The following STAC2 variants were observed in gnomAD, a reference collection of about 807,000 sequenced individuals.
STAC2 encodes the protein SH3 and cysteine rich domain 2.
A neutral mutation model predicts 49.0 loss-of-function variants in STAC2; 36 were observed. The observed-to-expected ratio is 0.74, with a 90% CI of 0.56 to 0.97. STAC2 has a LOEUF of 0.97. STAC2 is among the 50% of genes least tolerant of loss of function. The pLI is 0.00. For synonymous variants in STAC2, 239 were observed against 214.7 expected (o/e 1.11, Z -0.99); for missense variants, 527 against 543.8 (o/e 0.97, Z 0.31).
intron 1 of STAC2, among the ~76,000 whole-genome samples, chr17:39,223,604 G>A (rs2046482793): frequency 1.3e-5 from 2 of 152,160 alleles, no homozygotes; most frequent in South Asian, 4.1e-4. Context: ...CCACACAGCT[G>A]AGCAGGCAGC....
chr17:39,217,153 G>T lies in STAC2; in HGVS notation c.418C>A (p.Arg140=). The T allele has an allele frequency of 1.9e-6, 3 of 1,613,644 alleles. No homozygotes were observed. Among genetic ancestry groups the T allele is most frequent in the Non-Finnish European group, 1.7e-6 (2 of 1,179,862 alleles). The change falls in exon 3 of 11, where the codon CGA becomes AGA. Residue 140 remains arginine (R), a synonymous_variant. Coordinates refer to ENST00000333461, the MANE Select transcript of STAC2 (RefSeq NM_198993.5). ...ACGCTGACTTTGCACATCTTACATC[G>T]CAAGCCCTGTTTGGAGTTTCCTAGG... is the stretch of plus-strand genomic sequence containing the variant. ...LIVGNSKQGL[R]CKMCKVSVHL...
At chr17:39,216,921 G>C in intron 3 of STAC2, 21 bp from the exon 4 acceptor site, 1 of 1,589,304 alleles carries the variant, frequency 6.3e-7, no homozygotes, top group Non-Finnish European at 8.6e-7. Flanking sequence ...AGAGGGCAGA[G>C]AGGTTTTGAG....
rs767107132 is a variant in STAC2, at chr17:39,214,253, C to A, written c.921G>T (p.Glu307Asp). ...CTTACTGCAGAGCCAGATCATTGTTCTCCTGGGGCAGAAACTTGTAGAGTG... is the reference window on the plus strand; with the variant it reads ...CTTACTGCAGAGCCAGATCATTGTTATCCTGGGGCAGAAACTTGTAGAGTG... ...YVALYKFLPQ[E>D]NNDLALQPGD... Residue 307 changes from glutamate (E) to aspartate (D), a missense_variant, in exon 8 of 11, where the codon GAG becomes GAT. Glu to Asp is a conservative substitution (Grantham distance 45). Transcript: ENST00000333461. The A allele has an allele frequency of 2.5e-6, 4 of 1,613,882 alleles. No homozygotes were observed.
chr17:39,213,334 G>C (rs2046371681), intron 9 of STAC2, among the ~76,000 whole-genome samples, 173 bp downstream of exon 9: 1 of 152,242 alleles, frequency 6.6e-6, no homozygotes, highest in Non-Finnish European at 1.5e-5. Flanking sequence ...GAGGCAAGGA[G>C]AGTCAAAACT....
Position 39,225,019 on chromosome 17 carries a change from A to G in STAC2, c.90+394T>C, listed in dbSNP as rs1163472158. 6.6e-6 allele frequency among the ~76,000 whole-genome samples: 1 copy of G among 152,124 alleles called. No individual in the cohort carries two copies. Among genetic ancestry groups the G allele is most frequent in the Non-Finnish European group, 1.5e-5 (1 of 67,996 alleles). ...AGGTTGTAGAGACAAATTCAGAGAC[A>G]CGAGCGAGGATAGAGGCGCGGACTG... On this transcript the variant is annotated intron_variant, in intron 1 of 10. Coordinates refer to ENST00000333461, the MANE Select transcript of STAC2 (RefSeq NM_198993.5). The surrounding 1 kb of genome is among the most constrained non-coding windows in gnomAD (Gnocchi z 8.2).
chr17:39,217,059 C>T lies in STAC2; in HGVS notation c.495+17G>A. On this transcript the variant is annotated intron_variant, in intron 3 of 10. Transcript: ENST00000333461. ...GGCAGCACTCAGCTGGCCATCTCTG[C>T]CTGGGTCCCCGCTCACCGTCTTGCC... 1 of 1,613,570 alleles carries T rather than the reference C, an allele frequency of 6.2e-7. No individual in the cohort carries two copies. Among genetic ancestry groups the T allele is most frequent in the Non-Finnish European group, 8.5e-7 (1 of 1,179,622 alleles).
chr17:39,216,717 G>A (rs964193550), intron 4 of STAC2, 93 bp downstream of exon 4: 73 of 1,225,736 alleles, frequency 6.0e-5, no homozygotes, highest in Middle Eastern at 2.6e-4. Flanking sequence ...ATTGAGAGAC[G>A]GGGTTTCACT....
At chr17:39,216,301 T>C (rs1597732996) in intron 4 of STAC2, among the ~76,000 whole-genome samples, 1 of 152,192 alleles carries the variant, frequency 6.6e-6, no homozygotes, top group Non-Finnish European at 1.5e-5. Context: ...CATTCTATGC[T>C]CTATTCCTTA....
chr17:39,225,556 G>A lies in STAC2; in HGVS notation c.-54C>T, dbSNP rs377493445. On this transcript the variant is annotated 5_prime_UTR_variant, in exon 1 of 11. Transcript: ENST00000333461. The surrounding 1 kb of genome is among the most constrained non-coding windows in gnomAD (Gnocchi z 8.2). ...CGAGATCCGACGGCAGGCCCACCGC[G>A]GGCAGGCTGCGGGTGGCGGGCGTCT... 48 of 1,558,876 alleles carry A rather than the reference G, an allele frequency of 3.1e-5. No individual in the cohort carries two copies. In the African/African-American group the frequency reaches 5.7e-4, roughly 19 times the overall value.
In STAC2 at chr17:39,211,172, G is replaced by A. The variant is rs1450903565; in HGVS notation, c.*1120C>T. 4 of 152,396 alleles carry A rather than the reference G, an allele frequency of 2.6e-5. No homozygotes were observed. Among genetic ancestry groups the A allele is most frequent in the Admixed American group, 6.5e-5 (1 of 15,284 alleles). The allele number at this position is 152,396 out of a possible 1,614,324, so 9.4% of individuals were successfully genotyped here. A position where few individuals can be genotyped will look rare whatever the true frequency, so the allele number is the denominator to read the frequency against. On this transcript the variant is annotated 3_prime_UTR_variant, in exon 11 of 11. Transcript: ENST00000333461. ...GGCTCCCCTGGCGGGTGGTTCCTGT[G>A]TGACCGGGGGTCCTGACAGTGAAAT...
Position 39,211,939 on chromosome 17 carries a change from A to C in STAC2, c.*353T>G. The C allele has an allele frequency of 4.4e-6, 1 of 227,196 alleles. No homozygotes were observed. Among genetic ancestry groups the C allele is most frequent in the Non-Finnish European group, 8.8e-6 (1 of 113,890 alleles). 14.1% of individuals were successfully genotyped at this position (227,196 alleles called of 1,614,324 possible). ...ATGCGCAGGTGGTGTGGGCAGGGGA[A>C]GGCTGGGAGAAGCAGCAAATAAATT... On this transcript the variant is annotated 3_prime_UTR_variant, in exon 11 of 11. Transcript: ENST00000333461.
chr17:39,215,036 A>G lies in STAC2; in HGVS notation c.700-13T>C. Reference sequence around the variant, plus strand: ...CATCCCGCTCACTCTAGGGACAGAGAGAGGAGAGGGCTCAGCCCCCGAGCC... The same window carrying G: ...CATCCCGCTCACTCTAGGGACAGAGGGAGGAGAGGGCTCAGCCCCCGAGCC... On this transcript the variant is annotated splice_polypyrimidine_tract_variant and intron_variant, in intron 5 of 10. Coordinates refer to ENST00000333461, the MANE Select transcript of STAC2 (RefSeq NM_198993.5). The G allele has an allele frequency of 6.2e-7, 1 of 1,613,966 alleles. No individual in the cohort carries two copies. The highest frequency in any genetic ancestry group is 8.5e-7 in the Non-Finnish European group (1 of 1,179,972).
At chr17:39,220,173 C>A (rs777014489) in intron 1 of STAC2, among the ~76,000 whole-genome samples, 2 of 152,140 alleles carry the variant, frequency 1.3e-5, no homozygotes, top group African/African-American at 2.4e-5. Flanking sequence ...GGCCCCAGGC[C>A]CCAGATGCCT....
intron 1 of STAC2, among the ~76,000 whole-genome samples, chr17:39,218,642 A>T (rs531457070): frequency 6.6e-6 from 1 of 152,214 alleles, no homozygotes; most frequent in East Asian, 1.9e-4. Flanking sequence ...TTTTTTTCAT[A>T]AACAGTAAAT....
chr17:39,216,171 A>G, intron 4 of STAC2, among the ~76,000 whole-genome samples: 1 of 151,886 alleles, frequency 6.6e-6, no homozygotes, highest in East Asian at 1.9e-4. Flanking sequence ...ATTTAGAGAT[A>G]GGGTCTCACC....
At chr17:39,221,981 C>T (rs944867012) in intron 1 of STAC2, among the ~76,000 whole-genome samples, 4 of 152,238 alleles carry the variant, frequency 2.6e-5, no homozygotes, top group Admixed American at 2.6e-4. Flanking sequence ...TCTCTTGGGA[C>T]AGTCATTCCA....
chr17:39,218,021 G>A lies in STAC2; in HGVS notation c.243C>T (p.Pro81=), dbSNP rs747171575. The change falls in exon 2 of 11, where the codon CCC becomes CCT. Residue 81 remains proline (P), a synonymous_variant. Coordinates refer to ENST00000333461, the MANE Select transcript of STAC2 (RefSeq NM_198993.5). ...TAGCCAGGCCCCTGTCCGAGGCTGT[G>A]GGTGGTGGGGAGGGAGGGGGCAGTG... ...PTPLPPPSPP[P]TASDRGLATP... The A allele has an allele frequency of 1.3e-6, 2 of 1,589,416 alleles. No individual in the cohort carries two copies. Among genetic ancestry groups the A allele is most frequent in the Admixed American group, 3.5e-5 (2 of 56,994 alleles).
chr17:39,216,756 A>C lies in STAC2; in HGVS notation c.586+54T>G, dbSNP rs1597733211. 6.4e-5 allele frequency: 96 copies of C among 1,503,146 alleles called. 1 individual carries two copies. In the East Asian group the frequency reaches 2.3e-3, roughly 36 times the overall value. The allele number at this position is 1,503,146 out of a possible 1,614,324, so 93.1% of individuals were successfully genotyped here. A position where few individuals can be genotyped will look rare whatever the true frequency, so the allele number is the denominator to read the frequency against. Reference sequence around the variant, plus strand: ...TTGGCCAGGCTGGTCAGGGATGTTGATTTCTCATCCCACCACAATGGGAGC... The same window carrying C: ...TTGGCCAGGCTGGTCAGGGATGTTGCTTTCTCATCCCACCACAATGGGAGC... On this transcript the variant is annotated intron_variant, in intron 4 of 10. Transcript: ENST00000333461.
chr17:39,225,567 G>A lies in STAC2; in HGVS notation c.-65C>T, dbSNP rs1190886570. 4.0e-6 allele frequency: 6 copies of A among 1,505,620 alleles called. No homozygotes were observed. In the Admixed American group the frequency reaches 6.8e-5, roughly 17 times the overall value. The allele number at this position is 1,505,620 out of a possible 1,614,324, so 93.3% of individuals were successfully genotyped here. On this transcript the variant is annotated 5_prime_UTR_variant, in exon 1 of 11. Transcript: ENST00000333461. The surrounding 1 kb of genome is among the most constrained non-coding windows in gnomAD (Gnocchi z 8.2). ...GGCAGGCCCACCGCGGGCAGGCTGC[G>A]GGTGGCGGGCGTCTCCGGGACTCTG...
Sources: allele counts gnomAD v4.1 joint callset (sites outside exome capture counted in the v4.1 genomes callset), GRCh38; gene constraint gnomAD v4.1.1; non-coding constraint Gnocchi (gnomAD v3.1); transcripts MANE v1.5; gene names NCBI Gene and HGNC (gene_info 2026-07-23, HGNC 2026-07-21).